Variants in ANKRD44 observed in about 807,000 individuals in gnomAD.
The protein encoded by ANKRD44 is serine/threonine-protein phosphatase 6 regulatory ankyrin repeat subunit B.
Under a neutral mutation model 116.0 loss-of-function variants are expected in ANKRD44, and 35 were observed. The ratio of observed to expected loss-of-function variants is 0.30; its 90% CI spans 0.23 to 0.40. The LOEUF is 0.40. ANKRD44 is among the 10% of genes least tolerant of loss of function. The pLI is 1.00. For missense variants in ANKRD44, 1,014 were observed against 1,242.6 expected, an observed-to-expected ratio of 0.82 and a Z score of 2.77; for synonymous variants, 435 against 461.8, an observed-to-expected ratio of 0.94 and a Z score of 0.74.
At chr2:197,024,206 C>CACTGAAGGAGTGCTTATGTACACATAGT (rs2076548185) in intron 17 of ANKRD44, among the ~76,000 whole-genome samples, 1 of 152,228 alleles carries the variant, frequency 6.6e-6, no homozygotes, top group Non-Finnish European at 1.5e-5. Context: ...ATCAGAATGA[C>CACTGAAGGAGTGCTTATGTACACATAGT]ACTGAAGGAG....
chr2:197,153,715 T>G (rs1322849901), intron 2 of ANKRD44, among the ~76,000 whole-genome samples: 1 of 152,214 alleles, frequency 6.6e-6, no homozygotes, highest in African/African-American at 2.4e-5. Context: ...CATGTTAACA[T>G]TTTTCTATGT....
intron 10 of ANKRD44, among the ~76,000 whole-genome samples, chr2:197,094,132 A>T (rs1227114803): frequency 1.3e-5 from 2 of 152,208 alleles, no homozygotes; most frequent in Non-Finnish European, 2.9e-5. Flanking sequence ...TCCCCTTGGC[A>T]TCAGAGAGAT....
chr2:197,122,866 T>A, intron 6 of ANKRD44, 74 bp from the exon 7 acceptor site: 1 of 1,542,418 alleles, frequency 6.5e-7, no homozygotes, highest in Non-Finnish European at 8.8e-7. Flanking sequence ...ACCTAAATTA[T>A]CAACTATTAG....
chr2:196,990,663 G>C, intron 27 of ANKRD44: 1 of 1,232,120 alleles, frequency 8.1e-7, no homozygotes, highest in Non-Finnish European at 1.0e-6. Context: ...TCAAAGAAAA[G>C]CTTCTACAGT....
chr2:197,221,630 C>G (rs1274869725), intron 1 of ANKRD44, among the ~76,000 whole-genome samples: 2 of 152,132 alleles, frequency 1.3e-5, no homozygotes, highest in African/African-American at 4.8e-5. Flanking sequence ...TCATCTCTTC[C>G]AGGGAAAATT....
chr2:197,279,095 G>C (rs1194234728), intron 1 of ANKRD44, among the ~76,000 whole-genome samples: 1 of 152,176 alleles, frequency 6.6e-6, no homozygotes, highest in Non-Finnish European at 1.5e-5. Flanking sequence ...GCAGGGCTAA[G>C]CTTAGCAGTG....
chr2:197,051,897 A>G (rs1035041232), intron 16 of ANKRD44, among the ~76,000 whole-genome samples: 1 of 152,222 alleles, frequency 6.6e-6, no homozygotes, highest in African/African-American at 2.4e-5. Context: ...AGCCCCCCAC[A>G]ACAAAGAATT....
intron 16 of ANKRD44, 30 bp from the exon 17 acceptor site, chr2:197,025,297 G>T (rs116293297): frequency 1.6e-5 from 26 of 1,586,316 alleles, no homozygotes; most frequent in Admixed American, 8.4e-5. Context: ...ACAATAGTAC[G>T]TGAGTCCAAA....
At chr2:197,054,244 A>G (rs2077163296) in intron 16 of ANKRD44, among the ~76,000 whole-genome samples, 2 of 152,258 alleles carry the variant, frequency 1.3e-5, no homozygotes, top group South Asian at 4.1e-4. Flanking sequence ...ATATTTCTAT[A>G]GTATGTGAAA....
chr2:197,117,380 C>T (rs113221978), intron 8 of ANKRD44, among the ~76,000 whole-genome samples: 5,956 of 152,304 alleles, frequency 0.039, 149 homozygotes, highest in Middle Eastern at 0.078. Context: ...GCTGGGATTA[C>T]AGGCATGCGC....
intron 2 of ANKRD44, among the ~76,000 whole-genome samples, chr2:197,154,832 A>G (rs1455102017): frequency 6.6e-6 from 1 of 152,200 alleles, no homozygotes; most frequent in Admixed American, 6.5e-5. Context: ...CTCTGTCCCA[A>G]CATGCTCCCA....
intron 1 of ANKRD44, among the ~76,000 whole-genome samples, chr2:197,284,684 G>C (rs376501924): frequency 6.6e-6 from 1 of 151,884 alleles, no homozygotes; most frequent in Non-Finnish European, 1.5e-5. Context: ...CCAGGAGTTC[G>C]AGACCAGCCT....
At chr2:197,209,821 C>T (rs1202542398) in intron 1 of ANKRD44, among the ~76,000 whole-genome samples, 1 of 152,194 alleles carries the variant, frequency 6.6e-6, no homozygotes, top group Non-Finnish European at 1.5e-5. Flanking sequence ...TATCAGCACA[C>T]AGCACAAGAT....
chr2:197,031,951 C>G (rs1236560165), intron 16 of ANKRD44, among the ~76,000 whole-genome samples: 4 of 152,098 alleles, frequency 2.6e-5, no homozygotes, highest in African/African-American at 7.2e-5. Flanking sequence ...AACAGCTGTT[C>G]TTTGCTTTGT....
chr2:196,995,596 A>C, intron 25 of ANKRD44, 135 bp from the exon 26 acceptor site: 1 of 623,192 alleles, frequency 1.6e-6, no homozygotes, highest in Admixed American at 3.2e-5. Context: ...TTTTCTGAGT[A>C]ATTTTTTTTC....
chr2:197,252,682 G>T (rs1217107823), intron 1 of ANKRD44, among the ~76,000 whole-genome samples: 1 of 152,126 alleles, frequency 6.6e-6, no homozygotes, highest in African/African-American at 2.4e-5. Flanking sequence ...CCAGGCATAA[G>T]CCACTATATT....
chr2:197,048,198 T>G (rs2077039103), intron 16 of ANKRD44, among the ~76,000 whole-genome samples: 1 of 152,222 alleles, frequency 6.6e-6, no homozygotes, highest in South Asian at 2.1e-4. Flanking sequence ...TCATTGTATT[T>G]TTTTATTATA....
At chr2:196,992,433 G>A (rs945916495) in intron 27 of ANKRD44, among the ~76,000 whole-genome samples, 4 of 152,148 alleles carry the variant, frequency 2.6e-5, no homozygotes, top group East Asian at 1.9e-4. Flanking sequence ...ATGCAGGTGC[G>A]CACCAACCCA....
At chr2:197,193,751 G>A (rs1343538826) in intron 1 of ANKRD44, among the ~76,000 whole-genome samples, 1 of 151,992 alleles carries the variant, frequency 6.6e-6, no homozygotes, top group Non-Finnish European at 1.5e-5. Flanking sequence ...GCCTGGTGGC[G>A]GTCGCCCGTA....
Sources: gnomAD v4.1 joint callset for allele counts (sites outside exome capture counted in the v4.1 genomes callset) on GRCh38, gnomAD v4.1.1 for gene constraint, MANE v1.5 for transcripts, NCBI Gene and HGNC (gene_info 2026-07-23, HGNC 2026-07-21) for gene names.